The following TOR1AIP1 variants were observed in gnomAD, a reference collection of about 807,000 sequenced individuals.
TOR1AIP1 encodes torsin-1A-interacting protein 1.
Under a neutral mutation model 63.3 loss-of-function variants are expected in TOR1AIP1, and 54 were observed. The ratio of observed to expected loss-of-function variants is 0.85; its 90% CI spans 0.69 to 1.07. The LOEUF is 1.07. Ranked by LOEUF, TOR1AIP1 falls within the 50% of genes least tolerant of loss-of-function variation. The pLI is 0.00. For missense variants in TOR1AIP1, 736 were observed against 715.0 expected (o/e 1.03, Z -0.33); for synonymous variants, 294 against 273.5 (o/e 1.07, Z -0.74).
chr1:179,916,517 GA>G (rs749130032), intron 9 of TOR1AIP1, among the ~76,000 whole-genome samples: 1 of 151,858 alleles, frequency 6.6e-6, no homozygotes, highest in East Asian at 1.9e-4. Context: ...TTTATAAACC[GA>G]AAAGCACTAG....
In TOR1AIP1 at chr1:179,919,773, TTCCTC is replaced by T. The variant is rs1196963093; in HGVS notation, c.*1536_*1540del. On this transcript the variant is annotated 3_prime_UTR_variant, in exon 10 of 10. Transcript: ENST00000606911. Reference sequence around the variant, plus strand: ...GTGGTAGTAGAGTGGTTTAACGTCTTTCCTCTAGTACTACCAGTATTCATAAATGT... The same window carrying T: ...GTGGTAGTAGAGTGGTTTAACGTCTTTAGTACTACCAGTATTCATAAATGT... 1 of 152,238 alleles carries T rather than the reference TTCCTC, an allele frequency of 6.6e-6. No homozygotes were observed. The highest frequency in any genetic ancestry group is 1.5e-5 in the Non-Finnish European group (1 of 68,044). 9.4% of individuals were successfully genotyped at this position (152,238 alleles called of 1,614,324 possible).
chr1:179,907,179 T>A (rs986984448), intron 6 of TOR1AIP1, among the ~76,000 whole-genome samples: 1 of 151,578 alleles, frequency 6.6e-6, no homozygotes, highest in Non-Finnish European at 1.5e-5. Flanking sequence ...AGGTCAGGAA[T>A]TTGAGACCAG....
At chr1:179,899,259 ATT>A (rs11332159) in intron 3 of TOR1AIP1, among the ~76,000 whole-genome samples, 1,978 of 147,798 alleles carry the variant, frequency 0.013, 19 homozygotes, top group South Asian at 0.032. Context: ...ACATCTCACT[ATT>A]TTTTTTTTTT....
chr1:179,885,352 A>G (rs1647881536), intron 2 of TOR1AIP1, among the ~76,000 whole-genome samples: 1 of 152,212 alleles, frequency 6.6e-6, no homozygotes, highest in Admixed American at 6.5e-5. Context: ...ATGCATCCCA[A>G]TTTCAAAGAT....
At position 179,918,214 on chromosome 1, in the gene TOR1AIP1, C is replaced by T; in HGVS notation, c.1727C>T (p.Ala576Val). The T allele has an allele frequency of 6.2e-7, 1 of 1,603,116 alleles. No homozygotes were observed. The change falls in exon 10 of 10, where the codon GCC becomes GTC. Residue 576 changes from alanine (A) to valine (V), a missense_variant. By Grantham distance (64) the Ala-to-Val change is moderately conservative (BLOSUM62 0). Transcript: ENST00000606911. ...HLVLPVQPEN[A>V]LKRGICL ...GTTCTGCCTGTGCAACCTGAAAATG[C>T]CCTGAAAAGGGGCATCTGCTTATAA...
At chr1:179,884,609 T>C in intron 1 of TOR1AIP1, 83 bp from the exon 2 acceptor site, 1 of 1,183,350 alleles carries the variant, frequency 8.5e-7, no homozygotes. Context: ...TGCTTATGTA[T>C]TGTTACAAAA....
intron 2 of TOR1AIP1, among the ~76,000 whole-genome samples, 156 bp from the exon 3 acceptor site, chr1:179,889,157 G>GC (rs1180146439): frequency 1.3e-5 from 2 of 152,048 alleles, no homozygotes; most frequent in South Asian, 2.1e-4. Flanking sequence ...TCACTAGTTC[G>GC]CAACAGTTGT....
At chr1:179,901,479 T>C in intron 5 of TOR1AIP1, 91 bp downstream of exon 5, 2 of 624,388 alleles carry the variant, frequency 3.2e-6, no homozygotes, top group East Asian at 3.1e-5. Flanking sequence ...TTCAAATTTT[T>C]ATTAATACTT....
At chr1:179,917,245 T>C (rs1445930672) in intron 9 of TOR1AIP1, among the ~76,000 whole-genome samples, 2 of 152,232 alleles carry the variant, frequency 1.3e-5, no homozygotes, top group Non-Finnish European at 2.9e-5. Context: ...ATATGCATAT[T>C]TGTACACATA....
intron 2 of TOR1AIP1, among the ~76,000 whole-genome samples, chr1:179,885,816 C>A (rs1160251645): frequency 6.6e-6 from 1 of 152,168 alleles, no homozygotes; most frequent in Non-Finnish European, 1.5e-5. Context: ...TCTCCACTCA[C>A]TGCAACCTCC....
Position 179,901,270 on chromosome 1 carries a change from A to G in TOR1AIP1, c.653-32A>G, listed in dbSNP as rs368852216. 1.5e-5 allele frequency: 22 copies of G among 1,424,534 alleles called. No individual in the cohort carries two copies. The South Asian group carries it at 2.8e-4, about 18-fold the overall frequency. 88.2% of individuals were successfully genotyped at this position (1,424,534 alleles called of 1,614,324 possible). A position where few individuals can be genotyped will look rare whatever the true frequency, so the allele number is the denominator to read the frequency against. On this transcript the variant is annotated intron_variant, in intron 4 of 9. Coordinates refer to ENST00000606911, the MANE Select transcript of TOR1AIP1 (RefSeq NM_015602.4). Reference sequence around the variant, plus strand: ...TCAGATCTTCTGAGCATTAAAATAGACTATATTAGTATATTGTTTACTTCT... The same window carrying G: ...TCAGATCTTCTGAGCATTAAAATAGGCTATATTAGTATATTGTTTACTTCT...
At position 179,919,015 on chromosome 1, in the gene TOR1AIP1, A is replaced by AG. The variant is rs1174579139; in HGVS notation, c.*777dup. The AG allele has an allele frequency of 6.6e-6, 1 of 152,100 alleles. No individual in the cohort carries two copies. Among genetic ancestry groups the AG allele is most frequent in the African/African-American group, 2.4e-5 (1 of 41,424 alleles). 9.4% of individuals were successfully genotyped at this position (152,100 alleles called of 1,614,324 possible). On this transcript the variant is annotated 3_prime_UTR_variant, in exon 10 of 10. Transcript: ENST00000606911. ...AATATATTTGTTCACTTGAGTCTTA[A>AG]GAGTAGGTCAGGCCAAGGCAGGTGG...
intron 3 of TOR1AIP1, among the ~76,000 whole-genome samples, chr1:179,898,563 T>C (rs1238441384): frequency 6.6e-6 from 1 of 152,116 alleles, no homozygotes; most frequent in Non-Finnish European, 1.5e-5. Context: ...AATGGAAATA[T>C]TAATTAAAAA....
intron 3 of TOR1AIP1, among the ~76,000 whole-genome samples, chr1:179,889,762 C>T (rs867352777): frequency 6.6e-6 from 1 of 151,906 alleles, no homozygotes; most frequent in Non-Finnish European, 1.5e-5. Flanking sequence ...TCAAGCAGTC[C>T]TCCTGCCTTA....
intron 2 of TOR1AIP1, among the ~76,000 whole-genome samples, chr1:179,886,379 T>G (rs1176421680): frequency 6.6e-6 from 1 of 152,208 alleles, no homozygotes; most frequent in Non-Finnish European, 1.5e-5. Context: ...GAACTGCTAA[T>G]GAGGTACACC....
intron 5 of TOR1AIP1, 121 bp from the exon 6 acceptor site, chr1:179,903,845 T>A (rs773925882): frequency 4.8e-6 from 3 of 626,422 alleles, no homozygotes; most frequent in Admixed American, 3.6e-5. Context: ...TCCACGTTTT[T>A]AACCACCTGG....
chr1:179,883,170 C>T, intron 1 of TOR1AIP1, 193 bp downstream of exon 1: 1 of 619,688 alleles, frequency 1.6e-6, no homozygotes, highest in Non-Finnish European at 2.8e-6. Flanking sequence ...GAAGCGCCGA[C>T]CGGAGGAGTG....
At position 179,904,020 on chromosome 1, in the gene TOR1AIP1, A is replaced by G. The variant is rs768807943; in HGVS notation, c.794A>G (p.Gln265Arg). 1.2e-6 allele frequency: 2 copies of G among 1,605,770 alleles called. No individual in the cohort carries two copies. The highest frequency in any genetic ancestry group is 1.3e-5 in the African/African-American group (1 of 74,762). ...ATAGAATCATTTTGGCAGTCATCAC[A>G]AAGTAAGTAAAGCTGTGTTTACAGT... ...QYIESFWQSS[Q>R]SQNFTAHDKQ... is the part of the protein sequence containing the mutation. Residue 265 changes from glutamine (Q) to arginine (R), a missense_variant and splice_region_variant, in exon 6 of 10, where the codon CAA (glutamine) becomes CGA (arginine). Transcript: ENST00000606911.
rs755081714 is a variant in TOR1AIP1, at chr1:179,889,367, A to T, written c.608A>T (p.Tyr203Phe). ...LRRPPLRYPR[Y>F]EATSVQQKVN... ...CGACCCCCTCTAAGATACCCAAGAT[A>T]TGGTAAGAGATTGTTTGTCTGTTGG... The change falls in exon 3 of 10, where the codon TAT becomes TTT. Residue 203 changes from tyrosine to phenylalanine, a missense_variant and splice_region_variant. By Grantham distance (22) the Tyr-to-Phe change is conservative. Coordinates refer to ENST00000606911, the MANE Select transcript of TOR1AIP1 (RefSeq NM_015602.4). 6.2e-7 allele frequency: 1 copy of T among 1,605,178 alleles called. No individual in the cohort carries two copies. The highest frequency in any genetic ancestry group is 8.5e-7 in the Non-Finnish European group (1 of 1,173,570).
Sources: gnomAD v4.1 joint callset for allele counts (sites outside exome capture counted in the v4.1 genomes callset) on GRCh38, gnomAD v4.1.1 for gene constraint, MANE v1.5 for transcripts, NCBI Gene and HGNC (gene_info 2026-07-23, HGNC 2026-07-21) for gene names.